Variants in USP37 observed in about 807,000 individuals in gnomAD.
The protein encoded by USP37 is ubiquitin specific peptidase 37, also known as ubiquitin carboxyl-terminal hydrolase 37.
A neutral mutation model predicts 124.0 loss-of-function variants in USP37; 27 were observed. The ratio of observed to expected loss-of-function variants is 0.22; its 90% confidence interval spans 0.16 to 0.30. The LOEUF is 0.30. Among genes scored for constraint, USP37 ranks in the 10% least tolerant of loss-of-function variants. The probability of loss-of-function intolerance (pLI) is 1.00; values close to 1 mark genes in which losing one functional copy is unlikely to be tolerated. For missense variants in USP37, 889 were observed against 1,140.4 expected (o/e 0.78, Z 3.17); for synonymous variants, 365 against 388.0 (o/e 0.94, Z 0.70).
intron 5 of USP37, among the ~76,000 whole-genome samples, chr2:218,551,427 C>T (rs1397633702): frequency 1.3e-5 from 2 of 152,234 alleles, no homozygotes; most frequent in Admixed American, 1.3e-4. Context: ...CATTTACGAG[C>T]TCTCATTCTT....
intron 16 of USP37, among the ~76,000 whole-genome samples, chr2:218,484,548 T>A (rs1341689879): frequency 1.3e-5 from 2 of 151,550 alleles, no homozygotes; most frequent in African/African-American, 4.9e-5. Flanking sequence ...CTTGAACCCG[T>A]GAGGCAGAGG....
chr2:218,503,016 A>G (rs1413814300), intron 11 of USP37, among the ~76,000 whole-genome samples: 1 of 152,252 alleles, frequency 6.6e-6, no homozygotes, highest in Non-Finnish European at 1.5e-5. Flanking sequence ...TACTGAAAGA[A>G]ACACATTATC....
intron 9 of USP37, among the ~76,000 whole-genome samples, chr2:218,532,588 T>C (rs1333086713): frequency 6.6e-6 from 1 of 151,758 alleles, no homozygotes; most frequent in African/African-American, 2.4e-5. Flanking sequence ...ATTACAACCC[T>C]CTGAAGGTTC....
At chr2:218,536,876 T>C (rs1691676014) in intron 8 of USP37, among the ~76,000 whole-genome samples, 1 of 152,184 alleles carries the variant, frequency 6.6e-6, no homozygotes, top group Non-Finnish European at 1.5e-5. Context: ...CTCTGACATC[T>C]TATAGTGTTA....
intron 15 of USP37, 84 bp from the exon 16 acceptor site, chr2:218,485,827 T>C (rs552549757): frequency 1.4e-6 from 2 of 1,428,242 alleles, no homozygotes; most frequent in East Asian, 4.6e-5. Context: ...GTCTTATTAG[T>C]TCCATTAGTG....
chr2:218,530,033 T>C lies in USP37; in HGVS notation c.786A>G (p.Leu262=), dbSNP rs771790640. 18 of 1,603,226 alleles carry C rather than the reference T, an allele frequency of 1.1e-5. No homozygotes were observed. The South Asian group carries it at 1.8e-4, about 16-fold the overall frequency. Residue 262 remains leucine (L), a synonymous_variant, in exon 10 of 26, where the codon TTA becomes TTG. Transcript: ENST00000258399. ...CATAAAAGGATGATGACTGTAAAGG[T>C]AAAAGCCCTATAAAACAAATGAACA... ...QSEENRTSGL[L]PLQSSSFYGS...
chr2:218,492,138 C>G (rs1481335714), intron 14 of USP37, among the ~76,000 whole-genome samples: 1 of 152,084 alleles, frequency 6.6e-6, no homozygotes, highest in East Asian at 1.9e-4. Flanking sequence ...GAAGTTGAGG[C>G]TGCAGTGAGC....
Position 218,454,790 on chromosome 2 carries a change from T to C in USP37, c.*140A>G, listed in dbSNP as rs911034889. 4.5e-5 allele frequency: 66 copies of C among 1,467,944 alleles called. No individual in the cohort carries two copies. Among genetic ancestry groups the C allele is most frequent in the Non-Finnish European group, 4.3e-5 (48 of 1,113,688 alleles). 90.9% of individuals were successfully genotyped at this position (1,467,944 alleles called of 1,614,324 possible). On this transcript the variant is annotated 3_prime_UTR_variant, in exon 26 of 26. Coordinates refer to ENST00000258399, the MANE Select transcript of USP37 (RefSeq NM_020935.3). ...ATGGAGCATTCTACGTTACTCCAAT[T>C]TTTGTCTTTTGGTTTGGCCCTGAGC...
rs990524313 is a variant in USP37, at chr2:218,491,219, C to T, written c.1473-2798G>A. On this transcript the variant is annotated intron_variant, in intron 14 of 25. Transcript: ENST00000258399. ...GGGTCTAGAGGATAAAAAGAGAAGT[C>T]TGAAGTAAGCAAGATGTATACTTCC... Among the ~76,000 whole-genome samples the T allele has an allele frequency of 2.6e-5, 4 of 152,140 alleles. No individual in the cohort carries two copies. In the South Asian group the frequency reaches 8.3e-4, roughly 31 times the overall value.
chr2:218,454,956 C>T lies in USP37; in HGVS notation c.2914G>A (p.Gly972Arg), dbSNP rs771945490. The T allele has an allele frequency of 2.5e-6, 4 of 1,613,976 alleles. No individual in the cohort carries two copies. Among genetic ancestry groups the T allele is most frequent in the Non-Finnish European group, 3.4e-6 (4 of 1,180,026 alleles). The change falls in exon 26 of 26, where the codon GGG becomes AGG. Residue 972 changes from glycine (G) to arginine (R), a missense_variant. Physicochemically the swap from Gly to Arg is moderately radical, Grantham distance 125 (BLOSUM62 -2). Around this residue, in one of 3 missense-constraint regions of USP37, gnomAD observed 504 missense variants for 714.3 expected, o/e 0.71. Coordinates refer to ENST00000258399, the MANE Select transcript of USP37 (RefSeq NM_020935.3). ...KNSQSLSTEV[G>R]KTTRQAL ...CACAAGGCCTGACGGGTAGTCTTCC[C>T]CACTTCCGTGCTAAGTGACTGAGAG... is the stretch of plus-strand genomic sequence containing the variant.
chr2:218,522,435 C>T (rs1225997485), intron 10 of USP37, among the ~76,000 whole-genome samples: 2 of 150,760 alleles, frequency 1.3e-5, no homozygotes, highest in Admixed American at 6.6e-5. Context: ...CGGTGGCACA[C>T]ACCTGTAGTC....
chr2:218,484,337 C>T (rs2105976949), intron 16 of USP37, among the ~76,000 whole-genome samples: 1 of 151,868 alleles, frequency 6.6e-6, no homozygotes, highest in South Asian at 2.1e-4. Flanking sequence ...AACCAACTTC[C>T]TTGGCCCGGC....
chr2:218,556,503 G>GTTTTTTTTTTTTTTTTTTTT lies in USP37; in HGVS notation c.156+1975_156+1994dup, dbSNP rs34907421. On this transcript the variant is annotated intron_variant, in intron 4 of 25. Coordinates refer to ENST00000258399, the MANE Select transcript of USP37 (RefSeq NM_020935.3). ...GTATTTGGTTACTCTGGGTTTTTCT[G>GTTTTTTTTTTTTTTTTTTTT]TTTTTTTTTTTTTTTTTTTTTTTTT... Among the ~76,000 whole-genome samples the GTTTTTTTTTTTTTTTTTTTT allele has an allele frequency of 7.4e-5, 4 of 53,806 alleles. 1 individual carries two copies. Among genetic ancestry groups the GTTTTTTTTTTTTTTTTTTTT allele is most frequent in the Non-Finnish European group, 1.1e-4 (3 of 27,402 alleles). 35.3% of individuals were successfully genotyped at this position (53,806 alleles called of 152,430 possible).
chr2:218,557,391 T>A (rs1030227330), intron 4 of USP37, among the ~76,000 whole-genome samples: 5 of 152,070 alleles, frequency 3.3e-5, no homozygotes, highest in Admixed American at 1.3e-4. Context: ...ACCCTTTCTT[T>A]TGATGAGGCG....
intron 16 of USP37, among the ~76,000 whole-genome samples, chr2:218,484,149 ACT>A (rs1170136121): frequency 2.0e-5 from 3 of 151,822 alleles, no homozygotes; most frequent in South Asian, 4.2e-4. Flanking sequence ...ACAGAACGAG[ACT>A]CTGTTTGAAA....
chr2:218,507,490 G>A (rs1294000094), intron 11 of USP37, among the ~76,000 whole-genome samples: 1 of 152,038 alleles, frequency 6.6e-6, no homozygotes, highest in African/African-American at 2.4e-5. Flanking sequence ...CACTGTAAAC[G>A]GTTTACTTCA....
At position 218,452,605 on chromosome 2, in the gene USP37, A is replaced by G. The variant is rs1289075041; in HGVS notation, c.*2325T>C. ...GATAACTTATATATTCCAATAACCT[A>G]TTTTCAACAACTCCTGCCCAAGACA... On this transcript the variant is annotated 3_prime_UTR_variant, in exon 26 of 26. Transcript: ENST00000258399. The G allele has an allele frequency of 1.3e-5, 2 of 152,098 alleles. No individual in the cohort carries two copies. Among genetic ancestry groups the G allele is most frequent in the African/African-American group, 2.4e-5 (1 of 41,428 alleles). The allele number at this position is 152,098 out of a possible 1,614,324, so 9.4% of individuals were successfully genotyped here. A position where few individuals can be genotyped will look rare whatever the true frequency, so the allele number is the denominator to read the frequency against.
intron 10 of USP37, among the ~76,000 whole-genome samples, chr2:218,511,884 AT>A (rs915196249): frequency 3.3e-5 from 5 of 151,046 alleles, no homozygotes; most frequent in Admixed American, 2.0e-4. Flanking sequence ...GAGCACAGAA[AT>A]TTTTTCCTGT....
Position 218,482,194 on chromosome 2 carries a change from C to T in USP37, c.1711G>A (p.Ala571Thr). ...LHLKRYSFNV[A>T]LSLNNKIGQQ... ...CCAATCTTATTGTTAAGCGAGAGAG[C>T]CACATTGAAGCTATATCGTTTCAAA... Residue 571 changes from alanine to threonine, a missense_variant, in exon 17 of 26, where the codon GCT (alanine) becomes ACT (threonine). Around this residue, in one of 3 missense-constraint regions of USP37, gnomAD observed 504 missense variants for 714.3 expected, o/e 0.71. Coordinates refer to ENST00000258399, the MANE Select transcript of USP37 (RefSeq NM_020935.3). 6.2e-7 allele frequency: 1 copy of T among 1,613,536 alleles called. No individual in the cohort carries two copies. Among genetic ancestry groups the T allele is most frequent in the Non-Finnish European group, 8.5e-7 (1 of 1,179,650 alleles).
Sources: allele counts gnomAD v4.1 joint callset (sites outside exome capture counted in the v4.1 genomes callset), GRCh38; gene constraint gnomAD v4.1.1; regional missense constraint gnomAD v4.1.1; transcripts MANE v1.5; gene names NCBI Gene and HGNC (gene_info 2026-07-23, HGNC 2026-07-21).